PCCA: variants seen among roughly 807,000 people sequenced by gnomAD.
PCCA encodes the protein propionyl-CoA carboxylase alpha chain, mitochondrial.
In PCCA, 74 loss-of-function variants were observed where a neutral mutation model predicts 101.3. The ratio of observed to expected loss-of-function variants is 0.73; its 90% CI spans 0.61 to 0.89. The LOEUF is 0.89. Ranked by LOEUF, PCCA falls within the 40% of genes least tolerant of loss-of-function variation. The pLI, the probability that PCCA is intolerant of heterozygous loss-of-function variation, is 0.00. For synonymous variants in PCCA, 294 were observed against 313.6 expected (o/e 0.94, Z 0.66); for missense variants, 891 against 907.0 (o/e 0.98, Z 0.23).
At chr13:100,427,010 G>A (rs1567117824) in intron 20 of PCCA, among the ~76,000 whole-genome samples, 1 of 152,270 alleles carries the variant, frequency 6.6e-6, no homozygotes, top group East Asian at 1.9e-4. Context: ...GAGGTGAAGC[G>A]TTCCAGACCA....
intron 19 of PCCA, among the ~76,000 whole-genome samples, chr13:100,399,725 G>A (rs1211799387): frequency 6.6e-6 from 1 of 152,178 alleles, no homozygotes; most frequent in African/African-American, 2.4e-5. Flanking sequence ...AATTACTTTT[G>A]TGACCCAGAC....
chr13:100,306,595 C>G (rs2066470390), intron 14 of PCCA, among the ~76,000 whole-genome samples: 1 of 151,840 alleles, frequency 6.6e-6, no homozygotes, highest in South Asian at 2.1e-4. Context: ...CTTGTGCTAT[C>G]CCCCTACCCC....
At chr13:100,349,153 TG>T (rs1165514342) in intron 18 of PCCA, among the ~76,000 whole-genome samples, 1 of 151,522 alleles carries the variant, frequency 6.6e-6, no homozygotes, top group African/African-American at 2.4e-5. Flanking sequence ...GACGGAGTTT[TG>T]CTCTTGTTGC....
chr13:100,116,984 T>A (rs1437581283), intron 4 of PCCA, among the ~76,000 whole-genome samples: 2 of 152,180 alleles, frequency 1.3e-5, no homozygotes, highest in Non-Finnish European at 2.9e-5. Flanking sequence ...ATGCCTAGAA[T>A]AAATACATGC....
intron 19 of PCCA, among the ~76,000 whole-genome samples, chr13:100,413,103 A>G (rs1315894096): frequency 2.6e-5 from 4 of 152,248 alleles, no homozygotes; most frequent in Non-Finnish European, 5.9e-5. Flanking sequence ...AGGAGCATAG[A>G]AAACAGAATA....
chr13:100,474,311 T>A (rs2152958898), intron 21 of PCCA, among the ~76,000 whole-genome samples: 1 of 152,352 alleles, frequency 6.6e-6, no homozygotes, highest in South Asian at 2.1e-4. Context: ...CCGAAAGTTA[T>A]TTTTGATGGT....
intron 18 of PCCA, among the ~76,000 whole-genome samples, chr13:100,362,430 G>A (rs943330317): frequency 6.6e-6 from 1 of 152,292 alleles, no homozygotes; most frequent in South Asian, 2.1e-4. Flanking sequence ...TTTATCTCAT[G>A]TAAGCAGCAT....
intron 4 of PCCA, among the ~76,000 whole-genome samples, chr13:100,118,623 C>T (rs1331089411): frequency 1.3e-5 from 2 of 152,038 alleles, no homozygotes; most frequent in African/African-American, 4.8e-5. Flanking sequence ...GATTATAACT[C>T]ACTGCAGCCT....
chr13:100,436,589 T>G (rs770171128), intron 20 of PCCA, among the ~76,000 whole-genome samples: 9 of 152,234 alleles, frequency 5.9e-5, no homozygotes, highest in Non-Finnish European at 7.3e-5. Flanking sequence ...TGAAACAGCC[T>G]TGGGTTCCCT....
intron 19 of PCCA, 85 bp from the exon 20 acceptor site, chr13:100,425,548 G>A: frequency 1.1e-6 from 1 of 894,894 alleles, no homozygotes; most frequent in East Asian, 2.5e-5. Flanking sequence ...TGTTTAAAAT[G>A]GCTGCTGCTT....
intron 20 of PCCA, among the ~76,000 whole-genome samples, chr13:100,446,145 C>T (rs1044536111): frequency 2.0e-5 from 3 of 152,126 alleles, no homozygotes; most frequent in African/African-American, 7.2e-5. Flanking sequence ...TCAAGTGATT[C>T]TCCTGCCTCA....
At position 100,134,660 on chromosome 13, in the gene PCCA, C is replaced by T. The variant is rs1025632905; in HGVS notation, c.301-20319C>T. 3.3e-5 allele frequency among the ~76,000 whole-genome samples: 5 copies of T among 152,128 alleles called. No individual in the cohort carries two copies. The South Asian group carries it at 1.0e-3, about 32-fold the overall frequency. ...TAGGCTTGACCACCTGGGCTCAAAC[C>T]TCCCACCTCAGCCTCCTGAGTAGCT... On this transcript the variant is annotated intron_variant, in intron 4 of 23. Coordinates refer to ENST00000376285, the MANE Select transcript of PCCA (RefSeq NM_000282.4).
intron 19 of PCCA, among the ~76,000 whole-genome samples, chr13:100,373,035 C>T (rs1265087436): frequency 6.6e-5 from 10 of 152,264 alleles, no homozygotes; most frequent in Admixed American, 2.6e-4. Flanking sequence ...TGAGTCACCA[C>T]GCCCAGCCCT....
At chr13:100,525,535 G>T (rs1348836738) in intron 22 of PCCA, among the ~76,000 whole-genome samples, 2 of 152,242 alleles carry the variant, frequency 1.3e-5, no homozygotes, top group African/African-American at 4.8e-5. Flanking sequence ...GCTGGCCTTT[G>T]CCCCTAGCGT....
chr13:100,500,808 C>T (rs1293126583), intron 21 of PCCA, among the ~76,000 whole-genome samples: 1 of 152,192 alleles, frequency 6.6e-6, no homozygotes, highest in Non-Finnish European at 1.5e-5. Context: ...AATCTTGAGA[C>T]ATCAAATAAG....
chr13:100,107,976 G>T (rs1323458985), intron 2 of PCCA, among the ~76,000 whole-genome samples: 2 of 152,178 alleles, frequency 1.3e-5, no homozygotes, highest in African/African-American at 4.8e-5. Context: ...AGAGCTGGTG[G>T]ACTTACCCAT....
chr13:100,326,088 G>A (rs1273755422), intron 16 of PCCA, among the ~76,000 whole-genome samples: 3 of 152,170 alleles, frequency 2.0e-5, no homozygotes, highest in Admixed American at 1.3e-4. Flanking sequence ...CATATAAAAA[G>A]CTGTGAAAGC....
At chr13:100,111,598 G>C (rs1387255693) in intron 2 of PCCA, among the ~76,000 whole-genome samples, 1 of 152,162 alleles carries the variant, frequency 6.6e-6, no homozygotes, top group Non-Finnish European at 1.5e-5. Context: ...CATATCAGAT[G>C]AATTTTGTAG....
At chr13:100,472,887 T>A (rs897976781) in intron 21 of PCCA, among the ~76,000 whole-genome samples, 9 of 148,644 alleles carry the variant, frequency 6.1e-5, no homozygotes, top group South Asian at 2.1e-4. Context: ...AAAAAAAAAA[T>A]TTAAACCTGA....
Sources: gnomAD v4.1 joint callset for allele counts (sites outside exome capture counted in the v4.1 genomes callset) on GRCh38, gnomAD v4.1.1 for gene constraint, MANE v1.5 for transcripts, NCBI Gene and HGNC (gene_info 2026-07-23, HGNC 2026-07-21) for gene names.